DNAH8: variants seen among roughly 807,000 people sequenced by gnomAD.
DNAH8 encodes the protein axonemal beta dynein heavy chain 8.
A neutral mutation model predicts 562.1 loss-of-function variants in DNAH8; 382 were observed. That is an observed-to-expected ratio of 0.68 (90% confidence interval 0.63 to 0.74). The LOEUF is 0.74. Ranked by LOEUF, DNAH8 falls within the 30% of genes least tolerant of loss-of-function variation. The pLI, the probability that DNAH8 is intolerant of heterozygous loss-of-function variation, is 0.00. For missense variants in DNAH8, 5,203 were observed against 5,620.4 expected (o/e 0.93, Z 2.37); for synonymous variants, 1,881 against 1,919.4 (o/e 0.98, Z 0.52).
At chr6:38,886,055 A>G (rs1180842639) in intron 56 of DNAH8, among the ~76,000 whole-genome samples, 1 of 152,244 alleles carries the variant, frequency 6.6e-6, no homozygotes, top group Non-Finnish European at 1.5e-5. Flanking sequence ...AGAGACTTGA[A>G]TATACAGGTG....
intron 82 of DNAH8, among the ~76,000 whole-genome samples, chr6:38,968,109 G>A (rs1226691829): frequency 6.6e-6 from 1 of 152,110 alleles, no homozygotes; most frequent in Non-Finnish European, 1.5e-5. Context: ...GGAATGAAGT[G>A]TGGTTTTTAC....
At chr6:38,924,867 G>C (rs78771954) in intron 73 of DNAH8, 2 of 152,092 alleles carry the variant, frequency 1.3e-5, no homozygotes, top group African/African-American at 4.8e-5. Context: ...TAACAGAATA[G>C]CATGTTCTGG....
chr6:38,756,045 A>G lies in DNAH8; in HGVS notation c.1481A>G (p.Asn494Ser), dbSNP rs368961825. The G allele has an allele frequency of 8.1e-6, 13 of 1,605,764 alleles. No homozygotes were observed. The highest frequency in any genetic ancestry group is 1.1e-5 in the Non-Finnish European group (13 of 1,172,882). Residue 494 changes from asparagine (N) to serine (S), a missense_variant, in exon 10 of 93, where the codon AAT becomes AGT. By Grantham distance (46) the Asn-to-Ser change is conservative (BLOSUM62 1). Around this residue, in one of 6 missense-constraint regions of DNAH8, gnomAD observed 2,176 missense variants for 2,365.1 expected, o/e 0.92. Transcript: ENST00000327475. ...ATTCACGGTGTGTCAAGGTATTATA[A>G]TACCTCAGAGAGAATGACCTCATTG... is the stretch of plus-strand genomic sequence containing the variant. Reference protein sequence around the residue: ...RMIHGVSRYYNTSERMTSLFI... With the variant: ...RMIHGVSRYYSTSERMTSLFI...
At chr6:39,018,500 C>G (rs148861652) in intron 91 of DNAH8, among the ~76,000 whole-genome samples, 2,891 of 152,282 alleles carry the variant, frequency 0.019, 49 homozygotes, top group Non-Finnish European at 0.032. Context: ...CCTCGGCCCC[C>G]TCGTTGATGA....
intron 86 of DNAH8, among the ~76,000 whole-genome samples, chr6:38,983,388 G>T (rs17336804): frequency 6.6e-6 from 1 of 152,094 alleles, no homozygotes; most frequent in Non-Finnish European, 1.5e-5. Context: ...GTACCAAACC[G>T]TCATTTTTCC....
At chr6:38,754,519 C>T (rs184629818) in intron 9 of DNAH8, among the ~76,000 whole-genome samples, 68 of 152,216 alleles carry the variant, frequency 4.5e-4, no homozygotes, top group East Asian at 2.5e-3. Flanking sequence ...GTACAGTAAT[C>T]GGTAGTTGTT....
chr6:38,935,530 T>G (rs1202874378), intron 76 of DNAH8, 62 bp from the exon 77 acceptor site: 4 of 1,157,414 alleles, frequency 3.5e-6, no homozygotes, highest in Non-Finnish European at 5.0e-6. Context: ...ACTAGTGAGT[T>G]GGGTTTACTG....
intron 62 of DNAH8, among the ~76,000 whole-genome samples, chr6:38,904,003 A>T (rs1418547370): frequency 6.6e-6 from 1 of 152,204 alleles, no homozygotes; most frequent in Non-Finnish European, 1.5e-5. Context: ...ATTAAAAAAA[A>T]GTGCTTGTTC....
intron 82 of DNAH8, among the ~76,000 whole-genome samples, chr6:38,969,772 T>A (rs1021427027): frequency 2.0e-5 from 3 of 151,886 alleles, no homozygotes; most frequent in Non-Finnish European, 4.4e-5. Flanking sequence ...GGCCTTATAG[T>A]CTGTAAATAA....
chr6:38,761,923 A>G (rs1766557856), intron 11 of DNAH8, 120 bp downstream of exon 11: 1 of 510,942 alleles, frequency 2.0e-6, no homozygotes, highest in Non-Finnish European at 3.5e-6. Context: ...TGTTGAGAAT[A>G]TAAAAAGAAT....
At chr6:38,799,434 C>T (rs1294052065) in intron 21 of DNAH8, among the ~76,000 whole-genome samples, 1 of 152,112 alleles carries the variant, frequency 6.6e-6, no homozygotes, top group Non-Finnish European at 1.5e-5. Flanking sequence ...CTCATGCTTT[C>T]CTTGCCGACA....
chr6:38,770,082 C>T (rs766200490), intron 11 of DNAH8, among the ~76,000 whole-genome samples: 3 of 152,002 alleles, frequency 2.0e-5, no homozygotes, highest in South Asian at 4.1e-4. Context: ...TATATACCTG[C>T]GCATAAAGAA....
intron 79 of DNAH8, among the ~76,000 whole-genome samples, chr6:38,939,390 A>T (rs1281963363): frequency 2.0e-5 from 3 of 152,232 alleles, no homozygotes; most frequent in Non-Finnish European, 4.4e-5. Flanking sequence ...TATTCATTGC[A>T]TATCTCCATG....
intron 53 of DNAH8, among the ~76,000 whole-genome samples, chr6:38,877,403 TTTC>T (rs894657068): frequency 7.7e-5 from 4 of 52,004 alleles, no homozygotes; most frequent in African/African-American, 2.4e-4. Flanking sequence ...ACAATGATGT[TTTC>T]TTATTTTTAA....
rs537963257 is a variant in DNAH8 at position 38,793,386 on chromosome 6, G to T, written c.2901+1712G>T. 4.2e-3 allele frequency among the ~76,000 whole-genome samples: 590 copies of T among 141,982 alleles called. 9 individuals carry two copies. The highest frequency in any genetic ancestry group is 0.014 in the African/African-American group (571 of 39,850). The allele number at this position is 141,982 out of a possible 152,430, so 93.1% of individuals were successfully genotyped here. A position where few individuals can be genotyped will look rare whatever the true frequency, so the allele number is the denominator to read the frequency against. ...AAGATGATTATATCTTCTGGATTGG[G>T]TGTTCCTCTATCATTATTAAGTTTT... On this transcript the variant is annotated intron_variant, in intron 21 of 92. Coordinates refer to ENST00000327475, the MANE Select transcript of DNAH8 (RefSeq NM_001206927.2).
intron 10 of DNAH8, among the ~76,000 whole-genome samples, chr6:38,760,852 G>A (rs549462266): frequency 1.1e-4 from 16 of 152,158 alleles, no homozygotes; most frequent in East Asian, 1.9e-4. Flanking sequence ...AGCAGATGCC[G>A]GTGCTATGCT....
In DNAH8 at chr6:38,991,651, C is replaced by T. The variant is rs569810309; in HGVS notation, c.13214+1479C>T. On this transcript the variant is annotated intron_variant, in intron 88 of 92. Transcript: ENST00000327475. ...AGTGCCACTGCCCTCTACCTCCCCA[C>T]CCTGGCTCTTTCAGTCCTCTCCCAC... Among the ~76,000 whole-genome samples, 5 of 152,274 alleles carry T rather than the reference C, an allele frequency of 3.3e-5. No homozygotes were observed. The South Asian group carries it at 1.0e-3, about 32-fold the overall frequency.
rs571499719 is a variant in DNAH8, at chr6:38,875,783, A to G, written c.7813A>G (p.Lys2605Glu). Residue 2605 changes from lysine (K) to glutamate (E), a missense_variant, in exon 53 of 93, where the codon AAA (lysine) becomes GAA (glutamate). Coordinates refer to ENST00000327475, the MANE Select transcript of DNAH8 (RefSeq NM_001206927.2). Reference sequence around the variant, plus strand: ...CAAGTTGGACTTACCAGAAATACCTAAAGGCTCAAATCAAACCATGTATGA... The same window carrying G: ...CAAGTTGGACTTACCAGAAATACCTGAAGGCTCAAATCAAACCATGTATGA... ...ESKLDLPEIP[K>E]GSNQTMYEFY... 1.9e-6 allele frequency: 3 copies of G among 1,613,966 alleles called. No individual in the cohort carries two copies. Among genetic ancestry groups the G allele is most frequent in the South Asian group, 2.2e-5 (2 of 91,078 alleles).
intron 45 of DNAH8, among the ~76,000 whole-genome samples, chr6:38,865,626 C>G (rs1270577690): frequency 1.3e-5 from 2 of 152,188 alleles, no homozygotes; most frequent in Admixed American, 6.5e-5. Flanking sequence ...TGAGTCAACT[C>G]TCTTCAAAAA....
Sources: gnomAD v4.1 joint callset for allele counts (sites outside exome capture counted in the v4.1 genomes callset) on GRCh38, gnomAD v4.1.1 for gene constraint, gnomAD v4.1.1 regional missense constraint, MANE v1.5 for transcripts, NCBI Gene and HGNC (gene_info 2026-07-23, HGNC 2026-07-21) for gene names.